Variants in VPS26A observed in about 807,000 individuals in gnomAD.
The protein encoded by VPS26A is VPS26 retromer complex component A.
A neutral mutation model predicts 42.4 loss-of-function variants in VPS26A; 22 were observed. The observed-to-expected ratio is 0.52, with a 90% CI of 0.37 to 0.74. The LOEUF (loss-of-function observed/expected upper bound fraction) is 0.74. VPS26A is among the 30% of genes least tolerant of loss of function. The pLI is 0.00. For synonymous variants in VPS26A, 110 were observed against 123.5 expected, an observed-to-expected ratio of 0.89 and a Z score of 0.73; for missense variants, 276 against 379.2, an observed-to-expected ratio of 0.73 and a Z score of 2.26.
intron 7 of VPS26A, 29 bp from the exon 8 acceptor site, chr10:69,168,460 G>T (rs759392284): frequency 1.3e-5 from 21 of 1,603,896 alleles, no homozygotes; most frequent in Non-Finnish European, 1.8e-5. Flanking sequence ...ATCATCTTTA[G>T]AATTAAGTAG....
At chr10:69,131,153 TTTTTGTATTAA>T (rs1381475275) in intron 1 of VPS26A, among the ~76,000 whole-genome samples, 6 of 152,278 alleles carry the variant, frequency 3.9e-5, no homozygotes, top group Admixed American at 2.0e-4. Context: ...GCCCGACTAA[TTTTTGTATTAA>T]AGACGGGGCT....
Position 69,158,152 on chromosome 10 carries a change from T to TATA in VPS26A, c.493_494insTAA (p.Ile164dup). The TATA allele has an allele frequency of 6.2e-7, 1 of 1,612,738 alleles. No homozygotes were observed. Among genetic ancestry groups the TATA allele is most frequent in the Non-Finnish European group, 8.5e-7 (1 of 1,179,348 alleles). On this transcript the variant is annotated inframe_insertion, in exon 5 of 9. Coordinates refer to ENST00000263559, the MANE Select transcript of VPS26A (RefSeq NM_004896.5). ...CCTATCCTGATGTTAACAACTCTATTAAGATGGAAGTGGGCATTGAAGATT... is the reference window on the plus strand; with the variant it reads ...CCTATCCTGATGTTAACAACTCTATTATAAAGATGGAAGTGGGCATTGAAGATT...
rs1841858578 is a variant in VPS26A at position 69,173,341 on chromosome 10, A to C, written c.*2072A>C. Among the ~76,000 whole-genome samples, 4 of 152,204 alleles carry C rather than the reference A, an allele frequency of 2.6e-5. No individual in the cohort carries two copies. The highest frequency in any genetic ancestry group is 2.0e-4 in the Admixed American group (3 of 15,278). On this transcript the variant is annotated 3_prime_UTR_variant, in exon 9 of 9. Coordinates refer to ENST00000263559, the MANE Select transcript of VPS26A (RefSeq NM_004896.5). Reference sequence around the variant, plus strand: ...CTCAGAGACTGGGCCATAAGCATTAAAAACAAAACAACCTCAAAAAAATAC... The same window carrying C: ...CTCAGAGACTGGGCCATAAGCATTACAAACAAAACAACCTCAAAAAAATAC...
intron 1 of VPS26A, among the ~76,000 whole-genome samples, chr10:69,131,459 G>C (rs1465735336): frequency 6.6e-6 from 1 of 152,096 alleles, no homozygotes; most frequent in Non-Finnish European, 1.5e-5. Flanking sequence ...TCTGGGCCGG[G>C]CGCGGTGGCT....
intron 1 of VPS26A, among the ~76,000 whole-genome samples, chr10:69,129,377 G>A (rs191033334): frequency 1.2e-4 from 19 of 152,142 alleles, no homozygotes; most frequent in Admixed American, 2.0e-4. Flanking sequence ...CTTGGAGTAC[G>A]AAAGCCACCT....
In VPS26A at chr10:69,171,230, T is replaced by C. The variant is rs1841807319; in HGVS notation, c.945T>C (p.Ser315=). Residue 315 remains serine (S), a synonymous_variant, in exon 9 of 9, where the codon TCT becomes TCC. Transcript: ENST00000263559. ...QRTNFHQRFE[S]PESQASAEQP... ...CAAACTTTCACCAGCGATTTGAATC[T>C]CCAGAATCACAGGCATCTGCCGAAC... 1 of 1,613,702 alleles carries C rather than the reference T, an allele frequency of 6.2e-7. No homozygotes were observed. Among genetic ancestry groups the C allele is most frequent in the Admixed American group, 1.7e-5 (1 of 59,956 alleles).
intron 2 of VPS26A, among the ~76,000 whole-genome samples, chr10:69,148,196 ATAT>A (rs1720179996): frequency 6.6e-6 from 1 of 152,132 alleles, no homozygotes; most frequent in African/African-American, 2.4e-5. Flanking sequence ...TCAAAGTGAG[ATAT>A]TATTTTAGAA....
At chr10:69,166,316 A>G (rs1424767781) in intron 7 of VPS26A, among the ~76,000 whole-genome samples, 2 of 152,200 alleles carry the variant, frequency 1.3e-5, no homozygotes, top group Non-Finnish European at 2.9e-5. Context: ...TTCAGTTTCA[A>G]TTTAGGATTT....
At chr10:69,124,665 G>A (rs557867690) in intron 1 of VPS26A, among the ~76,000 whole-genome samples, 7 of 152,316 alleles carry the variant, frequency 4.6e-5, no homozygotes, top group African/African-American at 1.7e-4. Flanking sequence ...CAGGTGGGGC[G>A]ACCCGGGAGC....
At position 69,133,039 on chromosome 10, in the gene VPS26A, T is replaced by G. The variant is rs746061052; in HGVS notation, c.145T>G (p.Ser49Ala). 6 of 1,601,754 alleles carry G rather than the reference T, an allele frequency of 3.7e-6. No homozygotes were observed. Among genetic ancestry groups the G allele is most frequent in the Non-Finnish European group, 5.1e-6 (6 of 1,177,260 alleles). Residue 49 changes from serine to alanine, a missense_variant, in exon 2 of 9, where the codon TCA becomes GCA. Coordinates refer to ENST00000263559, the MANE Select transcript of VPS26A (RefSeq NM_004896.5). ...HYLFYDGESV[S>A]GKVNLAFKQP... is the part of the protein sequence containing the mutation. ...TCTCTTCTATGACGGAGAATCCGTT[T>G]CAGGAAAGGTAAATCTTCTGTTTGA...
At chr10:69,165,930 A>C (rs1188564297) in intron 6 of VPS26A, 112 bp from the exon 7 acceptor site, 16 of 1,021,326 alleles carry the variant, frequency 1.6e-5, no homozygotes, top group Non-Finnish European at 2.2e-5. Flanking sequence ...TGGGTGATGG[A>C]GCGAGACACC....
chr10:69,152,353 T>G (rs561978057), intron 2 of VPS26A, among the ~76,000 whole-genome samples: 1 of 152,372 alleles, frequency 6.6e-6, no homozygotes, highest in Non-Finnish European at 1.5e-5. Context: ...TGTATACAAT[T>G]TAACCATGCT....
intron 2 of VPS26A, among the ~76,000 whole-genome samples, chr10:69,143,466 A>G (rs1166160304): frequency 5.3e-5 from 8 of 152,030 alleles, no homozygotes; most frequent in African/African-American, 1.9e-4. Context: ...TCCTGACGTG[A>G]GTTTCTGTAT....
chr10:69,170,717 G>C (rs1488313377), intron 8 of VPS26A, among the ~76,000 whole-genome samples: 1 of 152,208 alleles, frequency 6.6e-6, no homozygotes, highest in Non-Finnish European at 1.5e-5. Flanking sequence ...TGGAGGCACT[G>C]AGAACTACTA....
chr10:69,155,703 C>G (rs1841418148), intron 2 of VPS26A, 109 bp from the exon 3 acceptor site: 4 of 840,356 alleles, frequency 4.8e-6, no homozygotes, highest in Non-Finnish European at 5.7e-6. Context: ...TCTCAAACTT[C>G]ATAAATGAAT....
At chr10:69,137,461 C>A (rs1396525741) in intron 2 of VPS26A, among the ~76,000 whole-genome samples, 1 of 152,122 alleles carries the variant, frequency 6.6e-6, no homozygotes, top group East Asian at 1.9e-4. Flanking sequence ...ATGACTGATA[C>A]CCTTGTTTCT....
At chr10:69,138,439 C>G (rs145113311) in intron 2 of VPS26A, among the ~76,000 whole-genome samples, 2 of 152,184 alleles carry the variant, frequency 1.3e-5, no homozygotes, top group Non-Finnish European at 2.9e-5. Flanking sequence ...AATAAACTGC[C>G]AAAGACCTTA....
At chr10:69,126,157 T>C (rs1040534348) in intron 1 of VPS26A, among the ~76,000 whole-genome samples, 1 of 152,180 alleles carries the variant, frequency 6.6e-6, no homozygotes, top group African/African-American at 2.4e-5. Flanking sequence ...AAGTGAGTAG[T>C]ATTTTTGCAC....
chr10:69,127,745 T>C (rs1840693968), intron 1 of VPS26A, among the ~76,000 whole-genome samples: 1 of 146,788 alleles, frequency 6.8e-6, no homozygotes, highest in Admixed American at 6.8e-5. Context: ...TTTTTTTTTT[T>C]TTTTTTGAGA....
Sources: gnomAD v4.1 joint callset for allele counts (sites outside exome capture counted in the v4.1 genomes callset) on GRCh38, gnomAD v4.1.1 for gene constraint, MANE v1.5 for transcripts, NCBI Gene and HGNC (gene_info 2026-07-23, HGNC 2026-07-21) for gene names.